IMPA2: variants seen among roughly 807,000 people sequenced by gnomAD.
IMPA2 encodes the protein IMP 2.
In IMPA2, 32 loss-of-function variants were observed where a neutral mutation model predicts 35.1. The ratio of observed to expected loss-of-function variants is 0.91; its 90% CI spans 0.69 to 1.23. IMPA2 has a LOEUF of 1.23. Ranked by LOEUF, IMPA2 falls within the 50% of genes most tolerant of loss-of-function variation. The pLI is 0.00. For synonymous variants in IMPA2, 135 were observed against 160.6 expected (o/e 0.84, Z 1.20); for missense variants, 334 against 387.6 (o/e 0.86, Z 1.16).
At chr18:12,009,286 C>CAAA (rs1482126367) in intron 2 of IMPA2, among the ~76,000 whole-genome samples, 1 of 151,718 alleles carries the variant, frequency 6.6e-6, no homozygotes, top group African/African-American at 2.4e-5. Context: ...TAAAAAACAA[C>CAAA]AACAAAAAAA....
chr18:11,982,549 C>G (rs1345079590), intron 1 of IMPA2, among the ~76,000 whole-genome samples: 2 of 152,178 alleles, frequency 1.3e-5, no homozygotes, highest in Non-Finnish European at 2.9e-5. Flanking sequence ...AATCCCAGCA[C>G]TTTGGGAGGC....
chr18:12,020,868 G>A (rs1265888499), intron 5 of IMPA2, among the ~76,000 whole-genome samples: 3 of 150,740 alleles, frequency 2.0e-5, no homozygotes, highest in Non-Finnish European at 4.4e-5. Flanking sequence ...TCTTTTTTTT[G>A]GCAAAATTCT....
At chr18:11,997,887 G>A (rs1568029516) in intron 1 of IMPA2, among the ~76,000 whole-genome samples, 1 of 152,258 alleles carries the variant, frequency 6.6e-6, no homozygotes, top group African/African-American at 2.4e-5. Flanking sequence ...ATGGGCAAGA[G>A]CTGGGCGCGG....
At chr18:12,005,243 A>G (rs993734101) in intron 2 of IMPA2, among the ~76,000 whole-genome samples, 13 of 152,248 alleles carry the variant, frequency 8.5e-5, no homozygotes, top group Admixed American at 2.6e-4. Context: ...GATGAGGAAG[A>G]CAGCTCTAGG....
rs1405575711 is a variant in IMPA2 at position 11,999,192 on chromosome 18, G to T, written c.230+5G>T. The T allele has an allele frequency of 6.2e-7, 1 of 1,612,616 alleles. No homozygotes were observed. Among genetic ancestry groups the T allele is most frequent in the Non-Finnish European group, 8.5e-7 (1 of 1,179,318 alleles). On this transcript the variant is annotated splice_donor_5th_base_variant and intron_variant, in intron 2 of 7. Coordinates refer to ENST00000269159, the MANE Select transcript of IMPA2 (RefSeq NM_014214.3). ...AGAGAGGTTTCCTTCACACAGGTAG[G>T]TGTACTCCTCTGGGAAACACCCCCA...
chr18:11,983,717 A>G (rs930207828), intron 1 of IMPA2, among the ~76,000 whole-genome samples: 2 of 152,050 alleles, frequency 1.3e-5, no homozygotes. Flanking sequence ...GCTCCCCCTC[A>G]GGCATTATGC....
chr18:11,997,496 AC>A (rs2143788433), intron 1 of IMPA2, among the ~76,000 whole-genome samples: 1 of 152,188 alleles, frequency 6.6e-6, no homozygotes, highest in Non-Finnish European at 1.5e-5. Flanking sequence ...TTTTTTTGCA[AC>A]CAAGATTAAA....
intron 1 of IMPA2, among the ~76,000 whole-genome samples, chr18:11,986,385 C>G (rs146622913): frequency 6.6e-6 from 1 of 152,198 alleles, no homozygotes; most frequent in Non-Finnish European, 1.5e-5. Context: ...TCTCAGGTGG[C>G]CTTCCCTGTC....
chr18:11,989,526 G>A (rs751915957), intron 1 of IMPA2, among the ~76,000 whole-genome samples: 5 of 152,196 alleles, frequency 3.3e-5, no homozygotes, highest in Non-Finnish European at 7.3e-5. Context: ...GTGGGGTGGG[G>A]GTCGGTACAT....
intron 2 of IMPA2, among the ~76,000 whole-genome samples, chr18:12,007,130 C>CA (rs1907271058): frequency 6.6e-6 from 1 of 151,416 alleles, no homozygotes; most frequent in African/African-American, 2.4e-5. Context: ...ACTCTGTCTC[C>CA]AAAAAAAAGT....
At chr18:12,013,802 C>T (rs186564948) in intron 4 of IMPA2, among the ~76,000 whole-genome samples, 2 of 152,326 alleles carry the variant, frequency 1.3e-5, no homozygotes, top group African/African-American at 2.4e-5. Flanking sequence ...GCCTCTTCCT[C>T]GCTGGGGCTG....
chr18:12,008,649 G>T, intron 2 of IMPA2: 1 of 434,216 alleles, frequency 2.3e-6, no homozygotes, highest in East Asian at 7.0e-5. Flanking sequence ...GCCTGCGTGT[G>T]GGTGGGGTGC....
chr18:11,990,256 C>T (rs1411543109), intron 1 of IMPA2, among the ~76,000 whole-genome samples: 3 of 152,176 alleles, frequency 2.0e-5, no homozygotes, highest in African/African-American at 4.8e-5. Context: ...GAGGTGCAGA[C>T]CTGGCCAGTC....
chr18:11,981,608 T>TCCGGTGGGAG lies in IMPA2; in HGVS notation c.-57_-48dup, dbSNP rs1278723748. 9.1e-7 allele frequency: 1 copy of TCCGGTGGGAG among 1,095,236 alleles called. No individual in the cohort carries two copies. Among genetic ancestry groups the TCCGGTGGGAG allele is most frequent in the African/African-American group, 1.6e-5 (1 of 61,278 alleles). 67.8% of individuals were successfully genotyped at this position (1,095,236 alleles called of 1,614,324 possible). Reference sequence around the variant, plus strand: ...GGAGCCTGGCGGCGGGACGGCGGGATCCGGTGGGAGCCGGAGTCCCGCCGA... The same window carrying TCCGGTGGGAG: ...GGAGCCTGGCGGCGGGACGGCGGGATCCGGTGGGAGCCGGTGGGAGCCGGAGTCCCGCCGA... On this transcript the variant is annotated 5_prime_UTR_variant, in exon 1 of 8. Coordinates refer to ENST00000269159, the MANE Select transcript of IMPA2 (RefSeq NM_014214.3).
intron 5 of IMPA2, among the ~76,000 whole-genome samples, chr18:12,019,945 G>A (rs979343735): frequency 2.0e-5 from 3 of 151,994 alleles, no homozygotes; most frequent in African/African-American, 7.3e-5. Flanking sequence ...GCACAATCTC[G>A]GTTTACTGCA....
chr18:11,988,566 G>A lies in IMPA2; in HGVS notation c.96+6801G>A, dbSNP rs566245502. 3.3e-5 allele frequency among the ~76,000 whole-genome samples: 5 copies of A among 152,262 alleles called. No individual in the cohort carries two copies. In the East Asian group the frequency reaches 5.8e-4, roughly 18 times the overall value. On this transcript the variant is annotated intron_variant, in intron 1 of 7. Transcript: ENST00000269159. Reference sequence around the variant, plus strand: ...AATCAGGTATCTGATAGGAAGCCACGTGAGAAATGAGGGTGGATTTGACTG... The same window carrying A: ...AATCAGGTATCTGATAGGAAGCCACATGAGAAATGAGGGTGGATTTGACTG...
intron 5 of IMPA2, among the ~76,000 whole-genome samples, chr18:12,025,058 C>A (rs2143824904): frequency 6.6e-6 from 1 of 152,334 alleles, no homozygotes; most frequent in Admixed American, 6.5e-5. Flanking sequence ...CCCTGAGCCT[C>A]TGGCAACCAC....
intron 2 of IMPA2, chr18:12,008,394 G>A (rs1907337885): frequency 1.9e-6 from 1 of 518,436 alleles, no homozygotes; most frequent in Non-Finnish European, 3.9e-6. Context: ...AAACCTCTCG[G>A]CAAGGCCACA....
At chr18:12,025,799 C>T (rs1907866596) in intron 5 of IMPA2, among the ~76,000 whole-genome samples, 1 of 151,998 alleles carries the variant, frequency 6.6e-6, no homozygotes, top group African/African-American at 2.4e-5. Flanking sequence ...AGGCTGGTCT[C>T]AAACTCCTGA....
Sources: gnomAD v4.1 joint callset for allele counts (sites outside exome capture counted in the v4.1 genomes callset) on GRCh38, gnomAD v4.1.1 for gene constraint, MANE v1.5 for transcripts, NCBI Gene and HGNC (gene_info 2026-07-23, HGNC 2026-07-21) for gene names.